Variants in CDK14 observed in about 807,000 individuals in gnomAD.
CDK14 encodes cyclin dependent kinase 14.
In CDK14, 34 loss-of-function variants were observed where a neutral mutation model predicts 60.7. That is an observed-to-expected ratio of 0.56 (90% CI 0.43 to 0.75). The LOEUF (loss-of-function observed/expected upper bound fraction) is 0.75, where lower values mean the gene tolerates loss of function less well. Ranked by LOEUF, CDK14 falls within the 30% of genes least tolerant of loss-of-function variation. The pLI is 0.00. For missense variants in CDK14, 482 were observed against 564.1 expected (o/e 0.85, Z 1.47); for synonymous variants, 197 against 203.7 (o/e 0.97, Z 0.28).
intron 8 of CDK14, among the ~76,000 whole-genome samples, chr7:90,952,258 G>A (rs1368951034): frequency 1.3e-5 from 2 of 152,126 alleles, no homozygotes; most frequent in Admixed American, 6.5e-5. Flanking sequence ...GCACTGTCCC[G>A]TGGTTTATTC....
At chr7:90,668,699 C>CTTTTTTTTTTT (rs59773768) in intron 2 of CDK14, among the ~76,000 whole-genome samples, 6 of 87,538 alleles carry the variant, frequency 6.9e-5, no homozygotes, top group African/African-American at 2.6e-4. Flanking sequence ...GACTCGCATT[C>CTTTTTTTTTTT]TTTTTTTTTT....
chr7:90,750,599 G>T (rs768842030), intron 4 of CDK14, among the ~76,000 whole-genome samples: 1 of 152,192 alleles, frequency 6.6e-6, no homozygotes, highest in Non-Finnish European at 1.5e-5. Flanking sequence ...GAGGCCGGAC[G>T]TGGTGGCTCA....
At chr7:90,879,848 A>G (rs1229867582) in intron 6 of CDK14, among the ~76,000 whole-genome samples, 3 of 151,520 alleles carry the variant, frequency 2.0e-5, no homozygotes, top group Admixed American at 6.6e-5. Flanking sequence ...GGTATGGTGG[A>G]CCATCTGAAA....
intron 10 of CDK14, among the ~76,000 whole-genome samples, chr7:90,988,349 T>C (rs1040955578): frequency 6.6e-6 from 1 of 152,150 alleles, no homozygotes; most frequent in Non-Finnish European, 1.5e-5. Context: ...GATGATGGAA[T>C]TTTGATGAAT....
intron 11 of CDK14, among the ~76,000 whole-genome samples, chr7:91,053,851 C>A (rs113690376): frequency 1.3e-5 from 2 of 152,234 alleles, no homozygotes; most frequent in African/African-American, 4.8e-5. Context: ...CAGACCACAC[C>A]TGCAGTGAGG....
At chr7:90,686,600 C>T (rs886743198) in intron 2 of CDK14, among the ~76,000 whole-genome samples, 11 of 152,152 alleles carry the variant, frequency 7.2e-5, no homozygotes, top group African/African-American at 2.7e-4. Flanking sequence ...AGGACTCTGT[C>T]TTAATCCTCA....
chr7:90,790,217 A>G (rs1456231138), intron 4 of CDK14, among the ~76,000 whole-genome samples: 3 of 151,986 alleles, frequency 2.0e-5, no homozygotes, highest in African/African-American at 4.8e-5. Flanking sequence ...AGAGGGAGCT[A>G]TTGGAGAAAC....
intron 14 of CDK14, among the ~76,000 whole-genome samples, chr7:91,139,072 A>G (rs1426061108): frequency 6.6e-6 from 1 of 152,150 alleles, no homozygotes; most frequent in Non-Finnish European, 1.5e-5. Flanking sequence ...TCAGCCCTAC[A>G]TCCAAATTCG....
At chr7:91,083,242 T>A (rs1321539856) in intron 12 of CDK14, among the ~76,000 whole-genome samples, 1 of 152,196 alleles carries the variant, frequency 6.6e-6, no homozygotes, top group Non-Finnish European at 1.5e-5. Context: ...ATTAAATGTT[T>A]GAGGGATGGG....
chr7:90,748,275 A>G (rs1163966710), intron 4 of CDK14, among the ~76,000 whole-genome samples: 1 of 152,088 alleles, frequency 6.6e-6, no homozygotes, highest in Non-Finnish European at 1.5e-5. Flanking sequence ...ATATATTTTC[A>G]TATCGAGAAA....
intron 2 of CDK14, among the ~76,000 whole-genome samples, chr7:90,620,066 T>C (rs1273464868): frequency 6.6e-6 from 1 of 152,174 alleles, no homozygotes; most frequent in African/African-American, 2.4e-5. Context: ...CCCCTTGCTG[T>C]TACAAGTATG....
intron 7 of CDK14, 30 bp from the exon 8 acceptor site, chr7:90,917,571 G>C (rs755969118): frequency 1.2e-6 from 2 of 1,607,644 alleles, no homozygotes; most frequent in Non-Finnish European, 1.7e-6. Context: ...TCTGTGTTCT[G>C]ATTTTAACCT....
intron 10 of CDK14, among the ~76,000 whole-genome samples, chr7:91,021,249 T>C (rs936116302): frequency 6.6e-6 from 1 of 152,202 alleles, no homozygotes; most frequent in African/African-American, 2.4e-5. Flanking sequence ...AGGGCATGAC[T>C]AATGGATGCT....
chr7:90,821,015 A>G (rs1301041712), intron 5 of CDK14, among the ~76,000 whole-genome samples: 1 of 152,170 alleles, frequency 6.6e-6, no homozygotes, highest in Non-Finnish European at 1.5e-5. Context: ...CCACTTCATC[A>G]TCTGCTTTTG....
chr7:91,175,197 C>G (rs1396268919), intron 14 of CDK14, among the ~76,000 whole-genome samples: 1 of 151,638 alleles, frequency 6.6e-6, no homozygotes, highest in East Asian at 1.9e-4. Context: ...ATTTCATATC[C>G]AGCCAAACTA....
intron 4 of CDK14, among the ~76,000 whole-genome samples, chr7:90,752,652 A>G (rs934576808): frequency 6.6e-6 from 1 of 152,170 alleles, no homozygotes; most frequent in Non-Finnish European, 1.5e-5. Context: ...AAAAAACATA[A>G]CTAAAATCAA....
chr7:90,804,368 A>G (rs1404908359), intron 5 of CDK14, among the ~76,000 whole-genome samples: 1 of 152,244 alleles, frequency 6.6e-6, no homozygotes, highest in African/African-American at 2.4e-5. Flanking sequence ...CAATGCATAC[A>G]TGCAGTAATA....
At chr7:91,045,082 G>A (rs1253073667) in intron 10 of CDK14, among the ~76,000 whole-genome samples, 1 of 152,096 alleles carries the variant, frequency 6.6e-6, no homozygotes, top group Non-Finnish European at 1.5e-5. Flanking sequence ...TTGAACTCAA[G>A]GTGTCTTCAG....
rs528391286 is a variant in CDK14 at position 91,199,800 on chromosome 7, C to T, written c.*29-7365C>T. 3.9e-5 allele frequency among the ~76,000 whole-genome samples: 6 copies of T among 152,284 alleles called. No individual in the cohort carries two copies. In the East Asian group the frequency reaches 1.2e-3, roughly 29 times the overall value. On this transcript the variant is annotated intron_variant, in intron 14 of 14. Coordinates refer to ENST00000380050, the MANE Select transcript of CDK14 (RefSeq NM_001287135.2). ...CATCCATATGGATGTTACCAAACAG[C>T]TTTCAACTTAAAGGATTTGGGCTAT...
Sources: allele counts gnomAD v4.1 joint callset (sites outside exome capture counted in the v4.1 genomes callset), GRCh38; gene constraint gnomAD v4.1.1; transcripts MANE v1.5; gene names NCBI Gene and HGNC (gene_info 2026-07-23, HGNC 2026-07-21).